The following OR51B5 variants were observed in gnomAD, a reference collection of about 807,000 sequenced individuals.
OR51B5 encodes olfactory receptor family 51 subfamily B member 5.
For missense variants in OR51B5, 456 were observed against 374.6 expected, an observed-to-expected ratio of 1.22 and a Z score of -1.79; for synonymous variants, 186 against 144.8, an observed-to-expected ratio of 1.28 and a Z score of -2.04.
intron 1 of OR51B5, among the ~76,000 whole-genome samples, chr11:5,418,726 C>CG (rs1198121284): frequency 7.0e-6 from 1 of 143,616 alleles, no homozygotes; most frequent in Non-Finnish European, 1.5e-5. Flanking sequence ...CCGAGCCTAT[C>CG]GGGGGATGGG....
intron 1 of OR51B5, among the ~76,000 whole-genome samples, chr11:5,367,260 G>A (rs955597119): frequency 4.6e-5 from 7 of 152,308 alleles, no homozygotes; most frequent in Admixed American, 1.3e-4. Flanking sequence ...CTAAGAGAGG[G>A]TTCTTGGATT....
At chr11:5,424,341 A>AAAAC (rs200506898) in intron 1 of OR51B5, among the ~76,000 whole-genome samples, 2 of 151,884 alleles carry the variant, frequency 1.3e-5, no homozygotes, top group African/African-American at 4.8e-5. Context: ...AAGGGAAAAC[A>AAAAC]AAACAAACAA....
At chr11:5,343,821 C>T (rs1279402328), upstream of OR51B5, among the ~76,000 whole-genome samples, 1 of 152,200 alleles carries the variant, frequency 6.6e-6, no homozygotes, top group East Asian at 1.9e-4. Flanking sequence ...TAAACTACAA[C>T]TTCTAAACTG....
At chr11:5,342,783 C>G in exon 1 of OR51B5, 1 of 1,613,526 alleles carries the variant, frequency 6.2e-7, no homozygotes, top group Non-Finnish European at 8.5e-7. Flanking sequence ...ACATAAAAAA[C>G]CAGGACACAG....
intron 1 of OR51B5, among the ~76,000 whole-genome samples, chr11:5,484,560 C>T (rs1394811317): frequency 6.6e-6 from 1 of 152,164 alleles, no homozygotes; most frequent in Admixed American, 6.5e-5. Flanking sequence ...CTAGTGTCAT[C>T]ACTAAAAAAT....
intron 1 of OR51B5, among the ~76,000 whole-genome samples, chr11:5,350,009 G>T (rs571813693): frequency 6.6e-6 from 1 of 151,964 alleles, no homozygotes; most frequent in Admixed American, 6.6e-5. Flanking sequence ...TGTTCCCAAG[G>T]CTTCCACAGA....
chr11:5,422,719 C>T, intron 1 of OR51B5: 1 of 1,614,048 alleles, frequency 6.2e-7, no homozygotes, highest in East Asian at 2.2e-5. Flanking sequence ...TCTGCCACTC[C>T]CACCTTCTCT....
upstream of OR51B5, chr11:5,346,963 A>T (rs1393097902): frequency 6.6e-6 from 1 of 152,194 alleles, no homozygotes; most frequent in Non-Finnish European, 1.5e-5. Context: ...ACCTTCCCAG[A>T]TGTCTCCCTT....
intron 1 of OR51B5, among the ~76,000 whole-genome samples, chr11:5,435,475 TAAG>T (rs1482665653): frequency 1.3e-5 from 2 of 152,218 alleles, no homozygotes; most frequent in African/African-American, 4.8e-5. Flanking sequence ...CCATAAATTC[TAAG>T]AAGAATGGAT....
rs749463056 is a variant in OR51B5, at chr11:5,342,759, A to T, written c.766T>A (p.Leu256Met). The T allele has an allele frequency of 6.8e-6, 11 of 1,613,754 alleles. No individual in the cohort carries two copies. The South Asian group carries it at 1.1e-4, about 16-fold the overall frequency. Residue 256 changes from leucine (L) to methionine (M), a missense_variant, in exon 1 of 1, where the codon TTG becomes ATG. By Grantham distance (15) the Leu-to-Met change is conservative. Transcript: ENST00000300773. ...TTTCCAAAACGATGAATCAGAGACAATCCAATCACTGTGACATAAAAAACC... is the reference window on the plus strand; with the variant it reads ...TTTCCAAAACGATGAATCAGAGACATTCCAATCACTGTGACATAAAAAACC...
Position 5,343,431 on chromosome 11 carries a change from T to A in OR51B5, c.94A>T (p.Met32Leu). 1.9e-6 allele frequency: 3 copies of A among 1,611,980 alleles called. No homozygotes were observed. The South Asian group carries it at 3.3e-5, about 18-fold the overall frequency. The stretch of plus-strand genomic sequence containing the variant: ...TTGCCAAAAAGGATGGATATATACA[T>A]GAACAAGAAAAATACGGAAATCCAG... The change falls in exon 1 of 1, where the codon ATG (methionine) becomes TTG (leucine). Residue 32 changes from methionine (M) to leucine (L), a missense_variant. By Grantham distance (15) the Met-to-Leu change is conservative (BLOSUM62 2). Transcript: ENST00000300773.
At chr11:5,358,910 A>G (rs1332345982) in intron 1 of OR51B5, among the ~76,000 whole-genome samples, 3 of 151,982 alleles carry the variant, frequency 2.0e-5, no homozygotes, top group Non-Finnish European at 4.4e-5. Flanking sequence ...TTATCTCAAT[A>G]GATGCAGAAA....
chr11:5,436,241 G>A (rs1850590438), intron 1 of OR51B5, among the ~76,000 whole-genome samples: 1 of 152,166 alleles, frequency 6.6e-6, no homozygotes. Context: ...CATAGGTGGA[G>A]ATCACAGGGT....
intron 1 of OR51B5, among the ~76,000 whole-genome samples, chr11:5,362,149 A>G (rs958358297): frequency 2.0e-5 from 3 of 152,208 alleles, no homozygotes; most frequent in African/African-American, 7.2e-5. Flanking sequence ...GGTTCACTTC[A>G]TTCCATGCTG....
At chr11:5,412,110 C>T (rs1850157334) in intron 1 of OR51B5, among the ~76,000 whole-genome samples, 1 of 152,212 alleles carries the variant, frequency 6.6e-6, no homozygotes, top group South Asian at 2.1e-4. Flanking sequence ...ACCTTTCTCT[C>T]CTCCTCCTCA....
intron 1 of OR51B5, among the ~76,000 whole-genome samples, chr11:5,476,696 A>G (rs1017073005): frequency 7.9e-5 from 12 of 152,232 alleles, no homozygotes; most frequent in Admixed American, 1.3e-4. Flanking sequence ...GATTCAGACT[A>G]TGTGAGTTTC....
In OR51B5 at chr11:5,408,258, T is replaced by C. The variant is rs533109945; in HGVS notation, n.85-61348A>G. Among the ~76,000 whole-genome samples the C allele has an allele frequency of 2.4e-4, 36 of 152,250 alleles. 1 individual carries two copies. In the East Asian group the frequency reaches 5.4e-3, roughly 23 times the overall value. Reference sequence around the variant, plus strand: ...TCATCCTTTAATTTTATCCCAATAATTGCTTTCTAAGTGATATCTTATTTT... The same window carrying C: ...TCATCCTTTAATTTTATCCCAATAACTGCTTTCTAAGTGATATCTTATTTT... On this transcript the variant is annotated intron_variant and non_coding_transcript_variant, in intron 1 of 4. Coordinates refer to the OR51B5 transcript ENST00000415970.
At chr11:5,398,360 G>T (rs901897087) in intron 1 of OR51B5, among the ~76,000 whole-genome samples, 1 of 152,064 alleles carries the variant, frequency 6.6e-6, no homozygotes, top group Non-Finnish European at 1.5e-5. Flanking sequence ...AATTACCTGG[G>T]TAATTGCTCC....
Position 5,402,651 on chromosome 11 carries a change from G to A in OR51B5, n.85-55741C>T, listed in dbSNP as rs1005061568. The A allele has an allele frequency of 1.9e-5, 9 of 471,224 alleles. No individual in the cohort carries two copies. In the Admixed American group the frequency reaches 2.1e-4, roughly 11 times the overall value. 29.2% of individuals were successfully genotyped at this position (471,224 alleles called of 1,614,324 possible). On this transcript the variant is annotated intron_variant and non_coding_transcript_variant, in intron 1 of 4. Coordinates refer to the OR51B5 transcript ENST00000415970. ...TTTACCTACGACTTTCATTTTGGTT[G>A]GCATCCCAGGGCTGGAGTCAGAGCA...
Sources: allele counts gnomAD v4.1 joint callset (sites outside exome capture counted in the v4.1 genomes callset), GRCh38; gene constraint gnomAD v4.1.1; transcripts MANE v1.5; gene names NCBI Gene and HGNC (gene_info 2026-07-23, HGNC 2026-07-21).